C4orf17: variants seen among roughly 807,000 people sequenced by gnomAD.
The protein encoded by C4orf17 is uncharacterized protein C4orf17.
In C4orf17, 25 loss-of-function variants were observed where a neutral mutation model predicts 32.0. The ratio of observed to expected loss-of-function variants is 0.78; its 90% CI spans 0.57 to 1.09. C4orf17 has a LOEUF of 1.09. Among genes scored for constraint, C4orf17 ranks in the 50% least tolerant of loss-of-function variants. The pLI is 0.00. For missense variants in C4orf17, 420 were observed against 420.0 expected (o/e 1.00, Z 0.00); for synonymous variants, 149 against 145.8 (o/e 1.02, Z -0.16).
intron 4 of C4orf17, among the ~76,000 whole-genome samples, chr4:99,525,278 C>T (rs1723367720): frequency 6.6e-6 from 1 of 152,192 alleles, no homozygotes; most frequent in Non-Finnish European, 1.5e-5. Flanking sequence ...TCCCATTTTA[C>T]ATTCCCACCA....
rs79518975 is a variant in C4orf17, at chr4:99,526,740, T to C, written c.402+2155T>C. Among the ~76,000 whole-genome samples the C allele has an allele frequency of 3.5e-3, 526 of 152,030 alleles. 2 individuals are homozygous for C. The highest frequency in any genetic ancestry group is 0.011 in the African/African-American group (476 of 41,506). ...TAGTTTGTATTTTGCAAAGAATATG[T>C]CCATTTCATCTAAGTTGTTGACTTA... On this transcript the variant is annotated intron_variant, in intron 4 of 8. Coordinates refer to ENST00000326581, the MANE Select transcript of C4orf17 (RefSeq NM_032149.3).
Position 99,522,487 on chromosome 4 carries a change from T to C in C4orf17, c.128-13T>C, listed in dbSNP as rs757238406. 4 of 1,602,296 alleles carry C rather than the reference T, an allele frequency of 2.5e-6. No individual in the cohort carries two copies. Among genetic ancestry groups the C allele is most frequent in the Admixed American group, 3.4e-5 (2 of 59,434 alleles). ...GCTTGATCTGTCTCTTTTTTTAATC[T>C]TTACTCACCTAGGCTTGAATAACAT... On this transcript the variant is annotated splice_polypyrimidine_tract_variant and intron_variant, in intron 2 of 8. Coordinates refer to ENST00000326581, the MANE Select transcript of C4orf17 (RefSeq NM_032149.3).
chr4:99,540,466 GT>G lies in C4orf17; in HGVS notation c.880+16del. 3.1e-6 allele frequency: 5 copies of G among 1,595,050 alleles called. No individual in the cohort carries two copies. The highest frequency in any genetic ancestry group is 1.1e-5 in the South Asian group (1 of 90,418). On this transcript the variant is annotated intron_variant, in intron 8 of 8. Transcript: ENST00000326581. Reference sequence around the variant, plus strand: ...AGGAAGTACCAAAAGGTTAAGTACAGTTTTTGGTAACTATTGAGTTGGTATA... The same window carrying G: ...AGGAAGTACCAAAAGGTTAAGTACAGTTTTGGTAACTATTGAGTTGGTATA...
intron 7 of C4orf17, 135 bp from the exon 8 acceptor site, chr4:99,540,277 C>A: frequency 3.7e-6 from 2 of 541,160 alleles, no homozygotes; most frequent in Non-Finnish European, 6.6e-6. Context: ...ATACTGTATG[C>A]ATTAAAAAAA....
Position 99,542,169 on chromosome 4 carries a change from T to TA in C4orf17, c.*61dup. On this transcript the variant is annotated 3_prime_UTR_variant, in exon 9 of 9. Coordinates refer to ENST00000326581, the MANE Select transcript of C4orf17 (RefSeq NM_032149.3). ...GAGCTTCACATTTACATCATCAAAT[T>TA]ATTTTTCAAATGAATATTTTTGGTA... The TA allele has an allele frequency of 6.9e-7, 1 of 1,458,450 alleles. No individual in the cohort carries two copies. The highest frequency in any genetic ancestry group is 9.6e-7 in the Non-Finnish European group (1 of 1,044,724). 90.3% of individuals were successfully genotyped at this position (1,458,450 alleles called of 1,614,324 possible).
intron 2 of C4orf17, among the ~76,000 whole-genome samples, chr4:99,517,419 G>A (rs571099422): frequency 6.0e-4 from 91 of 152,200 alleles, no homozygotes; most frequent in Non-Finnish European, 1.1e-3. Context: ...AATAATCTGG[G>A]TACTGTTGTT....
At chr4:99,527,261 A>T (rs1236116287) in intron 4 of C4orf17, among the ~76,000 whole-genome samples, 1 of 152,162 alleles carries the variant, frequency 6.6e-6, no homozygotes, top group Non-Finnish European at 1.5e-5. Flanking sequence ...CAGAGAACAC[A>T]CTTTGTATAC....
chr4:99,531,457 C>T (rs2110171726), intron 5 of C4orf17, among the ~76,000 whole-genome samples: 1 of 152,156 alleles, frequency 6.6e-6, no homozygotes, highest in Middle Eastern at 3.4e-3. Context: ...GTCATTCTTC[C>T]TTGGGCATAT....
chr4:99,513,031 C>G lies in C4orf17; in HGVS notation c.-51C>G. 6.2e-7 allele frequency: 1 copy of G among 1,609,128 alleles called. No homozygotes were observed. Among genetic ancestry groups the G allele is most frequent in the Non-Finnish European group, 8.5e-7 (1 of 1,177,250 alleles). On this transcript the variant is annotated 5_prime_UTR_variant, in exon 2 of 9. Transcript: ENST00000326581. Reference sequence around the variant, plus strand: ...AAGTGAGGTCAATCAAGTTAGACCCCAAAAACTTTTGTGACAACAGTGAAG... The same window carrying G: ...AAGTGAGGTCAATCAAGTTAGACCCGAAAAACTTTTGTGACAACAGTGAAG...
chr4:99,523,675 A>T (rs1723335074), intron 3 of C4orf17, among the ~76,000 whole-genome samples: 1 of 152,228 alleles, frequency 6.6e-6, no homozygotes, highest in Non-Finnish European at 1.5e-5. Flanking sequence ...AGATTTCTAT[A>T]GCAGATGTGG....
rs184611774 is a variant in C4orf17, at chr4:99,511,553, A to C, written c.-94+281A>C. 4.0e-5 allele frequency among the ~76,000 whole-genome samples: 6 copies of C among 151,454 alleles called. No homozygotes were observed. The East Asian group carries it at 1.2e-3, about 29-fold the overall frequency. ...AGTCAATTTCATCAGGTAATAGACA[A>C]ACAGACTGAAATCTAGGCAATAAAA... On this transcript the variant is annotated intron_variant, in intron 1 of 8. Coordinates refer to ENST00000326581, the MANE Select transcript of C4orf17 (RefSeq NM_032149.3).
intron 5 of C4orf17, among the ~76,000 whole-genome samples, chr4:99,533,582 G>T (rs544331359): frequency 6.6e-5 from 10 of 152,278 alleles, no homozygotes; most frequent in African/African-American, 2.4e-4. Context: ...AGGATGCTGA[G>T]GTGGCTGGAA....
intron 5 of C4orf17, among the ~76,000 whole-genome samples, chr4:99,532,549 T>C (rs1268983262): frequency 2.6e-5 from 4 of 151,820 alleles, no homozygotes; most frequent in Non-Finnish European, 4.4e-5. Context: ...AACTCCAAAA[T>C]GTAGGAGGAA....
rs781240052 is a variant in C4orf17 at position 99,513,161 on chromosome 4, TTCTAG to T, written c.83_87del (p.Leu28GlnfsTer17). Reference sequence around the variant, plus strand: ...ATTATGGCTAGAAATGTAAGCTGCTTTCTAGTCAGGCACACCCCTCATCCCAGAAG... The same window carrying T: ...ATTATGGCTAGAAATGTAAGCTGCTTTCAGGCACACCCCTCATCCCAGAAG... On this transcript the variant is annotated frameshift_variant, in exon 2 of 9. Coordinates refer to ENST00000326581, the MANE Select transcript of C4orf17 (RefSeq NM_032149.3). LOFTEE classifies it high-confidence loss of function. 1.2e-6 allele frequency: 2 copies of T among 1,613,926 alleles called. No homozygotes were observed. The highest frequency in any genetic ancestry group is 2.2e-5 in the South Asian group (2 of 91,070).
intron 2 of C4orf17, 149 bp from the exon 3 acceptor site, chr4:99,522,351 T>A (rs1723300605): frequency 9.3e-6 from 6 of 643,290 alleles, no homozygotes; most frequent in Non-Finnish European, 1.3e-5. Context: ...AATACAATTT[T>A]TTTTTTTGGT....
chr4:99,527,923 A>G (rs1578192282), intron 4 of C4orf17, among the ~76,000 whole-genome samples: 1 of 152,216 alleles, frequency 6.6e-6, no homozygotes, highest in African/African-American at 2.4e-5. Flanking sequence ...TGTCTTCTTG[A>G]TAAAATGACC....
chr4:99,521,819 G>A lies in C4orf17; in HGVS notation c.128-681G>A, dbSNP rs888521788. ...AAGCTGTCCAATTCCACAAGACTTA[G>A]CATTGATATTGAAAAGAGAACCTGT... On this transcript the variant is annotated intron_variant, in intron 2 of 8. Transcript: ENST00000326581. Among the ~76,000 whole-genome samples the A allele has an allele frequency of 3.3e-5, 5 of 152,158 alleles. 1 individual carries two copies. The highest frequency in any genetic ancestry group is 4.1e-4 in the South Asian group (2 of 4,830).
chr4:99,540,133 G>C (rs552831640), intron 7 of C4orf17, among the ~76,000 whole-genome samples: 1 of 151,952 alleles, frequency 6.6e-6, no homozygotes, highest in Non-Finnish European at 1.5e-5. Context: ...CTAACTGTCC[G>C]TATCTTAAAG....
At chr4:99,522,998 T>G (rs758677556) in intron 3 of C4orf17, among the ~76,000 whole-genome samples, 3 of 152,182 alleles carry the variant, frequency 2.0e-5, no homozygotes, top group African/African-American at 7.2e-5. Context: ...GAAATGAATG[T>G]TGTTCCAACA....
Sources: gnomAD v4.1 joint callset for allele counts (sites outside exome capture counted in the v4.1 genomes callset) on GRCh38, gnomAD v4.1.1 for gene constraint, MANE v1.5 for transcripts, NCBI Gene and HGNC (gene_info 2026-07-23, HGNC 2026-07-21) for gene names.